GRID2: variants seen among roughly 807,000 people sequenced by gnomAD.
GRID2 encodes the protein glutamate ionotropic receptor delta type subunit 2.
In GRID2, 33 loss-of-function variants were observed where a neutral mutation model predicts 114.8. That is an observed-to-expected ratio of 0.29 (90% CI 0.22 to 0.38). GRID2 has a LOEUF of 0.38. GRID2 is among the 10% of genes least tolerant of loss of function. The pLI is 1.00. For missense variants in GRID2, 1,184 were observed against 1,257.7 expected, an observed-to-expected ratio of 0.94 and a Z score of 0.89; for synonymous variants, 505 against 449.9, an observed-to-expected ratio of 1.12 and a Z score of -1.55.
intron 13 of GRID2, among the ~76,000 whole-genome samples, chr4:93,614,010 C>T (rs1741294415): frequency 6.6e-6 from 1 of 151,918 alleles, no homozygotes; most frequent in African/African-American, 2.4e-5. Flanking sequence ...GATATAGTCT[C>T]GTGGTGCGCC....
chr4:93,450,635 A>G (rs963065859), intron 10 of GRID2, among the ~76,000 whole-genome samples: 4 of 151,834 alleles, frequency 2.6e-5, no homozygotes, highest in African/African-American at 7.2e-5. Context: ...TGTATCATCC[A>G]TCCATATCCT....
intron 2 of GRID2, among the ~76,000 whole-genome samples, chr4:92,675,381 A>G (rs1220170970): frequency 6.6e-6 from 1 of 152,018 alleles, no homozygotes; most frequent in African/African-American, 2.4e-5. Flanking sequence ...TCACTATCCA[A>G]AAATTTCTCT....
intron 14 of GRID2, among the ~76,000 whole-genome samples, chr4:93,760,457 G>A (rs1477788183): frequency 6.6e-6 from 1 of 152,166 alleles, no homozygotes; most frequent in African/African-American, 2.4e-5. Context: ...CAGGTTTGAA[G>A]CAACACAGGA....
intron 13 of GRID2, among the ~76,000 whole-genome samples, chr4:93,573,848 G>A (rs1736156921): frequency 1.3e-5 from 2 of 152,030 alleles, no homozygotes; most frequent in African/African-American, 2.4e-5. Context: ...AATAATTTAT[G>A]AGTTGGAACC....
At chr4:93,590,213 T>C (rs1738059904) in intron 13 of GRID2, among the ~76,000 whole-genome samples, 1 of 150,426 alleles carries the variant, frequency 6.6e-6, no homozygotes. Flanking sequence ...CTTTAATCCA[T>C]CTTGAACTGA....
At chr4:93,562,865 G>C (rs1487812695) in intron 13 of GRID2, among the ~76,000 whole-genome samples, 1 of 151,852 alleles carries the variant, frequency 6.6e-6, no homozygotes, top group Admixed American at 6.6e-5. Flanking sequence ...CTATATCTGG[G>C]CTCTCTATTC....
At chr4:93,701,574 T>G (rs2110140243) in intron 14 of GRID2, among the ~76,000 whole-genome samples, 1 of 152,276 alleles carries the variant, frequency 6.6e-6, no homozygotes, top group East Asian at 1.9e-4. Context: ...CTATGATGAT[T>G]ATTACAATTT....
intron 1 of GRID2, among the ~76,000 whole-genome samples, chr4:92,357,915 A>T (rs778985895): frequency 1.3e-5 from 2 of 151,976 alleles, no homozygotes; most frequent in Non-Finnish European, 2.9e-5. Context: ...TATAAGACAT[A>T]TTTGACAAGT....
Position 92,923,006 on chromosome 4 carries a change from T to A in GRID2, c.245-161989T>A, listed in dbSNP as rs190667689. On this transcript the variant is annotated intron_variant, in intron 2 of 15. Transcript: ENST00000282020. ...TTATTTTGTGAAAATACCATTAAACTTTACATATGAATTTTGTTCTTTTTT... is the reference window on the plus strand; with the variant it reads ...TTATTTTGTGAAAATACCATTAAACATTACATATGAATTTTGTTCTTTTTT... Among the ~76,000 whole-genome samples the A allele has an allele frequency of 4.5e-3, 681 of 152,310 alleles. 6 individuals are homozygous for A. The highest frequency in any genetic ancestry group is 0.016 in the African/African-American group (656 of 41,562).
intron 1 of GRID2, among the ~76,000 whole-genome samples, chr4:92,526,512 T>G (rs1436104351): frequency 6.6e-6 from 1 of 152,012 alleles, no homozygotes; most frequent in Non-Finnish European, 1.5e-5. Flanking sequence ...CAGGCTAATT[T>G]TTTGTATTTT....
Position 92,889,863 on chromosome 4 carries a change from A to G in GRID2, c.245-195132A>G, listed in dbSNP as rs143081610. Reference sequence around the variant, plus strand: ...GAGGCATTGCACTATCTAACTTCAAACTATACTACAAGGCTACAGTAACCA... The same window carrying G: ...GAGGCATTGCACTATCTAACTTCAAGCTATACTACAAGGCTACAGTAACCA... On this transcript the variant is annotated intron_variant, in intron 2 of 15. Coordinates refer to ENST00000282020, the MANE Select transcript of GRID2 (RefSeq NM_001510.4). Among the ~76,000 whole-genome samples the G allele has an allele frequency of 4.1e-3, 629 of 152,308 alleles. 7 individuals carry two copies. Among genetic ancestry groups the G allele is most frequent in the African/African-American group, 0.014 (593 of 41,578 alleles).
chr4:93,422,962 C>A lies in GRID2; in HGVS notation c.1539C>A (p.Val513=), dbSNP rs1297938469. The change falls in exon 10 of 16, where the codon GTC becomes GTA. Residue 513 remains valine (V), a synonymous_variant. Transcript: ENST00000282020. ...GTWNGLVGEL[V]FKRADIGISA... Reference sequence around the variant, plus strand: ...GGAATGGCTTGGTAGGAGAACTTGTCTTTAAGGTAAGAATTACTTTATTTA... The same window carrying A: ...GGAATGGCTTGGTAGGAGAACTTGTATTTAAGGTAAGAATTACTTTATTTA... 1 of 1,598,066 alleles carries A rather than the reference C, an allele frequency of 6.3e-7. No individual in the cohort carries two copies. The highest frequency in any genetic ancestry group is 1.3e-5 in the African/African-American group (1 of 74,612).
intron 2 of GRID2, among the ~76,000 whole-genome samples, chr4:92,913,330 A>G (rs978919562): frequency 1.3e-5 from 2 of 151,880 alleles, no homozygotes; most frequent in African/African-American, 4.8e-5. Flanking sequence ...AAATACGACA[A>G]TTAGAAAACT....
intron 12 of GRID2, among the ~76,000 whole-genome samples, chr4:93,504,607 G>A (rs1728448434): frequency 6.6e-6 from 1 of 151,976 alleles, no homozygotes; most frequent in African/African-American, 2.4e-5. Context: ...CAAACTGTAT[G>A]CGTATATTTG....
chr4:92,688,822 C>A (rs1734045533), intron 2 of GRID2, among the ~76,000 whole-genome samples: 1 of 152,260 alleles, frequency 6.6e-6, no homozygotes, highest in South Asian at 2.1e-4. Flanking sequence ...ATGGTGAAAT[C>A]TTTCTAGAAG....
At chr4:92,539,305 G>A (rs1169677697) in intron 1 of GRID2, among the ~76,000 whole-genome samples, 1 of 152,080 alleles carries the variant, frequency 6.6e-6, no homozygotes, top group African/African-American at 2.4e-5. Flanking sequence ...GAAACATGTT[G>A]TGTCTGTAAA....
intron 14 of GRID2, among the ~76,000 whole-genome samples, chr4:93,698,449 A>C (rs1203626664): frequency 1.3e-5 from 2 of 152,078 alleles, no homozygotes; most frequent in African/African-American, 2.4e-5. Flanking sequence ...GTACATGAAA[A>C]TAAATATGTA....
chr4:93,325,529 T>C (rs1757733317), intron 8 of GRID2, among the ~76,000 whole-genome samples: 1 of 151,946 alleles, frequency 6.6e-6, no homozygotes, highest in African/African-American at 2.4e-5. Flanking sequence ...TCTTAAATTT[T>C]ACAATATAGA....
At chr4:93,238,765 A>G (rs1747117247) in intron 8 of GRID2, among the ~76,000 whole-genome samples, 1 of 151,742 alleles carries the variant, frequency 6.6e-6, no homozygotes, top group Non-Finnish European at 1.5e-5. Flanking sequence ...TGTTACAATA[A>G]TAGTTTTTAT....
Sources: gnomAD v4.1 joint callset for allele counts (sites outside exome capture counted in the v4.1 genomes callset) on GRCh38, gnomAD v4.1.1 for gene constraint, MANE v1.5 for transcripts, NCBI Gene and HGNC (gene_info 2026-07-23, HGNC 2026-07-21) for gene names.